LGR5: variants seen among roughly 807,000 people sequenced by gnomAD.
LGR5 encodes leucine-rich repeat-containing G protein-coupled receptor 5.
LGR5 carries 54 observed loss-of-function variants against 76.7 expected under a neutral mutation model. The observed-to-expected ratio is 0.70, with a 90% confidence interval of 0.57 to 0.88. The LOEUF (loss-of-function observed/expected upper bound fraction) is 0.88, where lower values mean the gene tolerates loss of function less well. LGR5 is among the 40% of genes least tolerant of loss of function. The pLI, the probability that LGR5 is intolerant of heterozygous loss-of-function variation, is 0.00. For missense variants in LGR5, 1,078 were observed against 1,073.3 expected, an observed-to-expected ratio of 1.00 and a Z score of -0.06; for synonymous variants, 406 against 421.9, an observed-to-expected ratio of 0.96 and a Z score of 0.46.
chr12:71,524,404 A>G lies in LGR5; in HGVS notation c.285-2A>G. ...CTCTCTCCTCTCCATTGAAACCCAC[A>G]GACGTCTTGCGGGAAACGCTCTGAC... On this transcript the variant is annotated splice_acceptor_variant, in intron 2 of 17. Coordinates refer to ENST00000266674, the MANE Select transcript of LGR5 (RefSeq NM_003667.4). LOFTEE classifies it high-confidence loss of function. 1 of 1,610,904 alleles carries G rather than the reference A, an allele frequency of 6.2e-7. No homozygotes were observed. Among genetic ancestry groups the G allele is most frequent in the Non-Finnish European group, 8.5e-7 (1 of 1,177,758 alleles).
chr12:71,447,141 G>A (rs565481390), intron 1 of LGR5, among the ~76,000 whole-genome samples: 6 of 152,252 alleles, frequency 3.9e-5, no homozygotes, highest in South Asian at 2.1e-4. Context: ...TTGTTGTCAC[G>A]AAGGTATCAG....
rs547617383 is a variant in LGR5, at chr12:71,569,363, C to T, written c.1071-2151C>T. On this transcript the variant is annotated intron_variant, in intron 11 of 17. Coordinates refer to ENST00000266674, the MANE Select transcript of LGR5 (RefSeq NM_003667.4). The stretch of plus-strand genomic sequence containing the variant: ...ACAGCAAATGAAACTATCATCAGAG[C>T]GAACAGACAACCTACAGAATAGGAG... 4.4e-4 allele frequency among the ~76,000 whole-genome samples: 67 copies of T among 152,140 alleles called. 1 individual carries two copies. Among genetic ancestry groups the T allele is most frequent in the Admixed American group, 1.4e-3 (22 of 15,268 alleles).
chr12:71,533,820 C>T (rs902137291), intron 3 of LGR5, among the ~76,000 whole-genome samples: 1 of 152,156 alleles, frequency 6.6e-6, no homozygotes, highest in Non-Finnish European at 1.5e-5. Flanking sequence ...ATTTTCCAAT[C>T]TCTAGTGGCA....
At chr12:71,583,536 T>C in intron 17 of LGR5, 111 bp from the exon 18 acceptor site, 1 of 1,235,870 alleles carries the variant, frequency 8.1e-7, no homozygotes, top group Non-Finnish European at 1.1e-6. Flanking sequence ...GTTATTAGGC[T>C]GTTTTTGACC....
In LGR5 at chr12:71,585,853, C is replaced by T. The variant is rs1879295872; in HGVS notation, c.*1119C>T. On this transcript the variant is annotated 3_prime_UTR_variant, in exon 18 of 18. Transcript: ENST00000266674. ...TAGGAACATTACTTCTCTGCTTATT[C>T]CATATTAATACTGTGTTAGGTATTT... is the stretch of plus-strand genomic sequence containing the variant. 6.6e-6 allele frequency: 1 copy of T among 152,130 alleles called. No individual in the cohort carries two copies. Among genetic ancestry groups the T allele is most frequent in the South Asian group, 2.1e-4 (1 of 4,822 alleles). 9.4% of individuals were successfully genotyped at this position (152,130 alleles called of 1,614,324 possible).
intron 1 of LGR5, among the ~76,000 whole-genome samples, chr12:71,455,939 TAATA>T (rs1405222411): frequency 1.2e-4 from 19 of 152,182 alleles, no homozygotes; most frequent in Non-Finnish European, 2.6e-4. Flanking sequence ...GAGATTTATG[TAATA>T]AATAACCATA....
chr12:71,576,593 A>G (rs1878866216), intron 13 of LGR5, among the ~76,000 whole-genome samples: 1 of 152,112 alleles, frequency 6.6e-6, no homozygotes. Context: ...CAAAGCAGAA[A>G]ATGACTCCTC....
intron 2 of LGR5, among the ~76,000 whole-genome samples, chr12:71,519,858 T>C (rs867672758): frequency 1.3e-5 from 2 of 149,982 alleles, no homozygotes; most frequent in Non-Finnish European, 3.0e-5. Flanking sequence ...ATATAAAAAA[T>C]AATAATAATA....
intron 4 of LGR5, among the ~76,000 whole-genome samples, chr12:71,538,493 G>T (rs1452351460): frequency 6.6e-6 from 1 of 152,004 alleles, no homozygotes; most frequent in South Asian, 2.1e-4. Context: ...CACTCTCTGA[G>T]GATAGGACTC....
At chr12:71,524,555 T>C (rs1025359741) in intron 3 of LGR5, 78 bp downstream of exon 3, 1 of 975,294 alleles carries the variant, frequency 1.0e-6, no homozygotes, top group Admixed American at 1.8e-5. Context: ...AAAAGCTGAG[T>C]GTCTCTAATA....
intron 6 of LGR5, among the ~76,000 whole-genome samples, chr12:71,557,883 G>C (rs1877853876): frequency 6.6e-6 from 1 of 152,184 alleles, no homozygotes; most frequent in Non-Finnish European, 1.5e-5. Context: ...AACTGCAAAA[G>C]GAAAAGACCA....
chr12:71,480,134 C>T (rs559337562), intron 1 of LGR5, among the ~76,000 whole-genome samples: 30 of 152,022 alleles, frequency 2.0e-4, no homozygotes, highest in African/African-American at 5.5e-4. Flanking sequence ...GAGACCAAGG[C>T]GGGCAGATCA....
chr12:71,545,681 T>G (rs1015879048), intron 4 of LGR5, among the ~76,000 whole-genome samples: 1 of 152,164 alleles, frequency 6.6e-6, no homozygotes, highest in Non-Finnish European at 1.5e-5. Context: ...ATGGCTTATC[T>G]TTTGACTAAC....
chr12:71,513,295 T>C (rs6582039), intron 2 of LGR5, among the ~76,000 whole-genome samples: 17,598 of 152,206 alleles, frequency 0.12, 1,141 homozygotes, highest in African/African-American at 0.16. Flanking sequence ...AAGATTGTGC[T>C]GAATCTGAAA....
chr12:71,565,703 A>G (rs997625824), intron 8 of LGR5, among the ~76,000 whole-genome samples: 1 of 151,356 alleles, frequency 6.6e-6, no homozygotes, highest in Non-Finnish European at 1.5e-5. Flanking sequence ...ACCTACCCTC[A>G]TACTTTAAAC....
chr12:71,444,507 G>A (rs905129129), intron 1 of LGR5, among the ~76,000 whole-genome samples: 5 of 152,030 alleles, frequency 3.3e-5, no homozygotes, highest in Non-Finnish European at 7.4e-5. Context: ...CATATGCATG[G>A]CAGAGTTGGT....
chr12:71,444,617 A>T (rs944782574), intron 1 of LGR5, among the ~76,000 whole-genome samples: 1 of 152,284 alleles, frequency 6.6e-6, no homozygotes, highest in African/African-American at 2.4e-5. Context: ...TGATGTAGCA[A>T]CAAAAGGTAG....
At position 71,499,049 on chromosome 12, in the gene LGR5, G is replaced by GT. The variant is rs541213559; in HGVS notation, c.213-5557dup. On this transcript the variant is annotated intron_variant, in intron 1 of 17. Coordinates refer to ENST00000266674, the MANE Select transcript of LGR5 (RefSeq NM_003667.4). ...AGTCACCGATCTGCACATTTATGAG[G>GT]TTTTTTTTATTTTCTGGTAGCACTC... Among the ~76,000 whole-genome samples the GT allele has an allele frequency of 3.5e-3, 537 of 152,204 alleles. 3 individuals are homozygous for GT. The highest frequency in any genetic ancestry group is 0.012 in the African/African-American group (510 of 41,534).
intron 7 of LGR5, 131 bp from the exon 8 acceptor site, chr12:71,561,650 G>A (rs1338068531): frequency 1.7e-5 from 8 of 471,158 alleles, no homozygotes; most frequent in Admixed American, 4.0e-5. Context: ...GTTTCAAGAT[G>A]CATAGAGGAA....
Sources: gnomAD v4.1 joint callset for allele counts (sites outside exome capture counted in the v4.1 genomes callset) on GRCh38, gnomAD v4.1.1 for gene constraint, MANE v1.5 for transcripts, NCBI Gene and HGNC (gene_info 2026-07-23, HGNC 2026-07-21) for gene names.